VPS8: variants seen among roughly 807,000 people sequenced by gnomAD.
VPS8 encodes the protein vacuolar protein sorting-associated protein 8 homolog.
In VPS8, 129 loss-of-function variants were observed where a neutral mutation model predicts 216.4. That is an observed-to-expected ratio of 0.60 (90% CI 0.52 to 0.69). The LOEUF is 0.69. VPS8 is among the 30% of genes least tolerant of loss of function. The probability of loss-of-function intolerance (pLI) is 0.00; values close to 1 mark genes in which losing one functional copy is unlikely to be tolerated. For missense variants in VPS8, 1,531 were observed against 1,683.5 expected, an observed-to-expected ratio of 0.91 and a Z score of 1.59; for synonymous variants, 571 against 565.4, an observed-to-expected ratio of 1.01 and a Z score of -0.14.
chr3:184,857,362 A>G (rs1462633406), intron 14 of VPS8, among the ~76,000 whole-genome samples: 3 of 152,272 alleles, frequency 2.0e-5, no homozygotes, highest in South Asian at 4.1e-4. Flanking sequence ...CAACACATTG[A>G]AATATTCCTT....
chr3:184,935,038 C>T (rs375418586), intron 34 of VPS8, among the ~76,000 whole-genome samples: 3 of 152,030 alleles, frequency 2.0e-5, no homozygotes, highest in East Asian at 3.9e-4. Flanking sequence ...GGTTAAAAAT[C>T]AAATCAGGGT....
At chr3:184,820,674 C>T (rs1355721492) in intron 1 of VPS8, among the ~76,000 whole-genome samples, 1 of 152,114 alleles carries the variant, frequency 6.6e-6, no homozygotes, top group Non-Finnish European at 1.5e-5. Flanking sequence ...TTTTGATTCA[C>T]CAGGTCTCTT....
chr3:184,855,110 AT>A (rs941133729), intron 13 of VPS8, among the ~76,000 whole-genome samples: 2 of 151,054 alleles, frequency 1.3e-5, no homozygotes, highest in African/African-American at 2.4e-5. Context: ...GCGAATTGAG[AT>A]TTTTTTCATG....
chr3:184,893,362 T>G (rs760780009), intron 22 of VPS8: 1 of 1,223,076 alleles, frequency 8.2e-7, no homozygotes, highest in South Asian at 1.4e-5. Flanking sequence ...ATTGACATGA[T>G]ATACATATAA....
chr3:184,892,853 T>A (rs1363008503), intron 22 of VPS8, among the ~76,000 whole-genome samples: 1 of 152,220 alleles, frequency 6.6e-6, no homozygotes, highest in Non-Finnish European at 1.5e-5. Flanking sequence ...TATATAATTA[T>A]CTTTTTTAGC....
intron 4 of VPS8, among the ~76,000 whole-genome samples, chr3:184,833,799 ATCT>A (rs1720497668): frequency 1.3e-5 from 2 of 152,214 alleles, no homozygotes; most frequent in South Asian, 4.1e-4. Context: ...CAAATTAGTC[ATCT>A]TCTCTTTTCT....
chr3:184,839,131 T>C (rs2377105), intron 6 of VPS8: 17,493 of 192,948 alleles, frequency 0.091, 897 homozygotes, highest in African/African-American at 0.13. Flanking sequence ...GATTCCATTG[T>C]CAGGCTTGCC....
chr3:184,852,207 C>G (rs1281614637), intron 10 of VPS8, among the ~76,000 whole-genome samples: 3 of 151,980 alleles, frequency 2.0e-5, no homozygotes, highest in Non-Finnish European at 4.4e-5. Context: ...TGTAAGAACC[C>G]AAATAGAGAA....
intron 42 of VPS8, among the ~76,000 whole-genome samples, chr3:184,991,542 C>T (rs1751894840): frequency 1.3e-5 from 2 of 152,002 alleles, no homozygotes; most frequent in African/African-American, 4.8e-5. Flanking sequence ...TTTCCTTTTC[C>T]CAGAATTTAA....
chr3:184,902,431 G>A lies in VPS8; in HGVS notation c.2146+1459G>A, dbSNP rs560263211. 3.3e-5 allele frequency among the ~76,000 whole-genome samples: 5 copies of A among 151,756 alleles called. No individual in the cohort carries two copies. The South Asian group carries it at 6.2e-4, about 19-fold the overall frequency. On this transcript the variant is annotated intron_variant, in intron 25 of 47. Transcript: ENST00000625842. ...GCAGAGGTTGCAGTGAGCCAAGATC[G>A]TGCCACTTGCCACTGCTCTCCAGCT...
At chr3:184,951,634 G>A (rs1282551953) in intron 36 of VPS8, among the ~76,000 whole-genome samples, 2 of 152,180 alleles carry the variant, frequency 1.3e-5, no homozygotes, top group African/African-American at 4.8e-5. Flanking sequence ...GAATTCTGTA[G>A]TAGGCAGGGT....
intron 36 of VPS8, among the ~76,000 whole-genome samples, chr3:184,950,216 C>CTTTATTTTTTTTTT (rs1744426427): frequency 2.5e-5 from 1 of 39,930 alleles, no homozygotes. Context: ...CAGTTTTCTG[C>CTTTATTTTTTTTTT]TTTTTTTTTT....
intron 38 of VPS8, among the ~76,000 whole-genome samples, chr3:184,965,465 A>G (rs563520615): frequency 6.6e-6 from 1 of 152,350 alleles, no homozygotes; most frequent in African/African-American, 2.4e-5. Flanking sequence ...GCATGAGGCC[A>G]TCATTCATAA....
At chr3:184,882,938 T>C (rs1244404813) in intron 21 of VPS8, among the ~76,000 whole-genome samples, 1 of 152,186 alleles carries the variant, frequency 6.6e-6, no homozygotes, top group African/African-American at 2.4e-5. Context: ...CTCTTATTCT[T>C]TGTCAGTCTT....
chr3:184,993,716 T>A lies in VPS8; in HGVS notation c.3586-267T>A, dbSNP rs928342223. Reference sequence around the variant, plus strand: ...TTTATATGAAGGAGAGGAAGCTTCTTGCAGAAACAAAATAAAAGTAAAGTT... The same window carrying A: ...TTTATATGAAGGAGAGGAAGCTTCTAGCAGAAACAAAATAAAAGTAAAGTT... On this transcript the variant is annotated intron_variant, in intron 42 of 47. Coordinates refer to ENST00000625842, the MANE Select transcript of VPS8 (RefSeq NM_001009921.3). 2.6e-5 allele frequency among the ~76,000 whole-genome samples: 4 copies of A among 152,188 alleles called. No individual in the cohort carries two copies. In the East Asian group the frequency reaches 7.7e-4, roughly 29 times the overall value.
chr3:184,948,148 A>G (rs1744019058), intron 36 of VPS8, among the ~76,000 whole-genome samples: 1 of 152,054 alleles, frequency 6.6e-6, no homozygotes, highest in South Asian at 2.1e-4. Flanking sequence ...TATAAAAACC[A>G]GTTTTAGCCT....
chr3:184,957,185 A>G (rs897639975), intron 36 of VPS8, among the ~76,000 whole-genome samples, 189 bp from the exon 37 acceptor site: 4 of 152,238 alleles, frequency 2.6e-5, no homozygotes, highest in African/African-American at 7.2e-5. Context: ...ACAACTTACA[A>G]TGCCTCTTAT....
chr3:184,885,584 G>A (rs1267167300), intron 21 of VPS8, among the ~76,000 whole-genome samples: 4 of 152,118 alleles, frequency 2.6e-5, no homozygotes, highest in African/African-American at 9.7e-5. Context: ...AGGACCAACT[G>A]TATCCCGTTA....
chr3:184,920,080 C>T (rs981880386), intron 28 of VPS8, 47 bp from the exon 29 acceptor site: 28 of 1,247,938 alleles, frequency 2.2e-5, no homozygotes, highest in Non-Finnish European at 2.9e-5. Flanking sequence ...TTTTCTTCTA[C>T]ATGTGCAAAT....
Sources: allele counts gnomAD v4.1 joint callset (sites outside exome capture counted in the v4.1 genomes callset), GRCh38; gene constraint gnomAD v4.1.1; transcripts MANE v1.5; gene names NCBI Gene and HGNC (gene_info 2026-07-23, HGNC 2026-07-21).